NRG3: variants seen among roughly 807,000 people sequenced by gnomAD.
The protein encoded by NRG3 is pro-neuregulin-3, membrane-bound isoform.
In NRG3, 31 loss-of-function variants were observed where a neutral mutation model predicts 66.9. That is an observed-to-expected ratio of 0.46 (90% CI 0.35 to 0.63). The LOEUF (loss-of-function observed/expected upper bound fraction) is 0.63, where lower values mean the gene tolerates loss of function less well. Ranked by LOEUF, NRG3 falls within the 20% of genes least tolerant of loss-of-function variation. NRG3 has a pLI of 0.00. For missense variants in NRG3, 910 were observed against 878.9 expected (o/e 1.04, Z -0.45); for synonymous variants, 393 against 359.4 (o/e 1.09, Z -1.06).
At chr10:82,075,554 G>GA (rs1237220958) in intron 1 of NRG3, among the ~76,000 whole-genome samples, 4 of 152,132 alleles carry the variant, frequency 2.6e-5, no homozygotes, top group African/African-American at 9.7e-5. Flanking sequence ...CATGTAATAT[G>GA]AAAAAACAGA....
rs1396487080 is a variant in NRG3, at chr10:82,196,937, A to T, written c.824-161802A>T. 2.0e-5 allele frequency among the ~76,000 whole-genome samples: 3 copies of T among 152,298 alleles called. No individual in the cohort carries two copies. The East Asian group carries it at 5.8e-4, about 29-fold the overall frequency. ...TTCCTGGGAAACTTAAAGCTACCTC[A>T]AACCCAGTTCTTTTGCTCAGAGTTC... On this transcript the variant is annotated intron_variant, in intron 1 of 8. Coordinates refer to ENST00000372141, the MANE Select transcript of NRG3 (RefSeq NM_001010848.4).
intron 2 of NRG3, among the ~76,000 whole-genome samples, chr10:82,649,311 T>A (rs78440163): frequency 6.6e-6 from 1 of 152,006 alleles, no homozygotes; most frequent in African/African-American, 2.4e-5. Context: ...AATATTTACA[T>A]ATAAACAGGC....
intron 2 of NRG3, among the ~76,000 whole-genome samples, chr10:82,460,149 G>T (rs2091446969): frequency 2.6e-5 from 4 of 152,022 alleles, no homozygotes; most frequent in Admixed American, 2.0e-4. Flanking sequence ...TTTTTCTTAT[G>T]TGTAAAACAG....
chr10:82,331,619 A>C (rs2082138969), intron 1 of NRG3, among the ~76,000 whole-genome samples: 1 of 152,210 alleles, frequency 6.6e-6, no homozygotes, highest in Non-Finnish European at 1.5e-5. Flanking sequence ...ATTATGTTTT[A>C]ACTTGGTCAC....
intron 1 of NRG3, among the ~76,000 whole-genome samples, chr10:82,075,572 G>T (rs779249235): frequency 1.3e-5 from 2 of 152,168 alleles, no homozygotes; most frequent in Non-Finnish European, 2.9e-5. Flanking sequence ...AGAAAGTAGT[G>T]TGACTGGGGA....
At chr10:82,234,585 A>T (rs61863000) in intron 1 of NRG3, among the ~76,000 whole-genome samples, 2,649 of 152,340 alleles carry the variant, frequency 0.017, 46 homozygotes, top group Non-Finnish European at 0.026. Flanking sequence ...CCAATAAATA[A>T]TTGTTGAATG....
intron 1 of NRG3, among the ~76,000 whole-genome samples, chr10:82,296,853 T>G (rs2080092560): frequency 6.6e-6 from 1 of 152,118 alleles, no homozygotes; most frequent in Non-Finnish European, 1.5e-5. Context: ...ATGCTGGGAT[T>G]TGGACTTCTA....
rs1368933021 is a variant in NRG3 at position 81,875,871 on chromosome 10, C to T, written c.531C>T (p.Ala177=). The stretch of plus-strand genomic sequence containing the variant: ...CCGGGCACCGGGTGCCCATCCGGGC[C>T]AGCCCGCGCTCCACCACAGCACGGA... ...RFPGHRVPIR[A]SPRSTTARNT... Residue 177 remains alanine, a synonymous_variant, in exon 1 of 9, where the codon GCC becomes GCT. Transcript: ENST00000372141. This position sits in a 1 kb window ranked among gnomAD's most constrained non-coding sequence, Gnocchi z 5.3. 1 of 1,610,898 alleles carries T rather than the reference C, an allele frequency of 6.2e-7. No homozygotes were observed. The highest frequency in any genetic ancestry group is 8.5e-7 in the Non-Finnish European group (1 of 1,179,768).
intron 2 of NRG3, among the ~76,000 whole-genome samples, chr10:82,675,678 T>A (rs920917428): frequency 3.3e-5 from 5 of 152,184 alleles, no homozygotes; most frequent in African/African-American, 1.2e-4. Context: ...ATTTAACCTA[T>A]AAATTAAATG....
chr10:82,349,609 G>C (rs553129317), intron 1 of NRG3, among the ~76,000 whole-genome samples: 39 of 148,346 alleles, frequency 2.6e-4, no homozygotes, highest in South Asian at 1.1e-3. Context: ...CGAGCTTCCC[G>C]GCTGCTTTGT....
chr10:82,216,810 G>A (rs973597197), intron 1 of NRG3, among the ~76,000 whole-genome samples: 4 of 151,762 alleles, frequency 2.6e-5, no homozygotes, highest in African/African-American at 4.8e-5. Context: ...TGTGTTTTTG[G>A]AATCACATTA....
chr10:82,253,163 C>T (rs979870849), intron 1 of NRG3, among the ~76,000 whole-genome samples: 3 of 152,178 alleles, frequency 2.0e-5, no homozygotes, highest in Non-Finnish European at 2.9e-5. Flanking sequence ...ATTTGTTTAT[C>T]AAACACCCTC....
At position 82,407,324 on chromosome 10, in the gene NRG3, T is replaced by C. The variant is rs528244213; in HGVS notation, c.953+48456T>C. Reference sequence around the variant, plus strand: ...TAAATTGCCTTCAACAGGAATTCTCTTTTTGGAATATGTAAACCATGGGTG... The same window carrying C: ...TAAATTGCCTTCAACAGGAATTCTCCTTTTGGAATATGTAAACCATGGGTG... On this transcript the variant is annotated intron_variant, in intron 2 of 8. Coordinates refer to ENST00000372141, the MANE Select transcript of NRG3 (RefSeq NM_001010848.4). Among the ~76,000 whole-genome samples, 111 of 152,236 alleles carry C rather than the reference T, an allele frequency of 7.3e-4. 1 individual carries two copies. Among genetic ancestry groups the C allele is most frequent in the African/African-American group, 2.6e-3 (108 of 41,550 alleles).
chr10:82,723,325 A>C (rs1180654481), intron 2 of NRG3, among the ~76,000 whole-genome samples: 1 of 152,186 alleles, frequency 6.6e-6, no homozygotes, highest in Non-Finnish European at 1.5e-5. Flanking sequence ...GAGGGGAAGG[A>C]TGGAGAGGGG....
At chr10:82,309,044 T>C (rs760703009) in intron 1 of NRG3, among the ~76,000 whole-genome samples, 1 of 152,212 alleles carries the variant, frequency 6.6e-6, no homozygotes, top group Non-Finnish European at 1.5e-5. Context: ...AATGATACCA[T>C]CATTTTTCTT....
chr10:82,536,713 G>A (rs541627702), intron 2 of NRG3, among the ~76,000 whole-genome samples: 1 of 152,042 alleles, frequency 6.6e-6, no homozygotes. Flanking sequence ...GTAATCTGGA[G>A]ACCTTGTGAT....
intron 1 of NRG3, among the ~76,000 whole-genome samples, chr10:82,351,699 A>G (rs564636100): frequency 1.2e-4 from 18 of 152,310 alleles, no homozygotes; most frequent in South Asian, 2.1e-4. Context: ...CAAGTGGAAA[A>G]TGACCCTGCT....
At chr10:82,217,417 CTTT>C (rs1403563490) in intron 1 of NRG3, among the ~76,000 whole-genome samples, 1 of 152,174 alleles carries the variant, frequency 6.6e-6, no homozygotes, top group African/African-American at 2.4e-5. Context: ...CCCTCCCAGA[CTTT>C]CTAAATTAGA....
chr10:82,728,971 G>A (rs1049494911), intron 2 of NRG3, among the ~76,000 whole-genome samples: 4 of 147,902 alleles, frequency 2.7e-5, no homozygotes, highest in Non-Finnish European at 1.5e-5. Flanking sequence ...AATAAGGGCA[G>A]TGTTTGTTTG....
Sources: gnomAD v4.1 joint callset for allele counts (sites outside exome capture counted in the v4.1 genomes callset) on GRCh38, gnomAD v4.1.1 for gene constraint, Gnocchi (gnomAD v3.1) non-coding constraint, MANE v1.5 for transcripts, NCBI Gene and HGNC (gene_info 2026-07-23, HGNC 2026-07-21) for gene names.